EIF2AK4: variants seen among roughly 807,000 people sequenced by gnomAD.
EIF2AK4 encodes the protein eIF-2-alpha kinase GCN2.
Under a neutral mutation model 211.1 loss-of-function variants are expected in EIF2AK4, and 139 were observed. The observed-to-expected ratio is 0.66, with a 90% CI of 0.57 to 0.76. The LOEUF (loss-of-function observed/expected upper bound fraction) is 0.76, where lower values mean the gene tolerates loss of function less well. Among genes scored for constraint, EIF2AK4 ranks in the 30% least tolerant of loss-of-function variants. EIF2AK4 has a pLI of 0.00. For missense variants in EIF2AK4, 1,664 were observed against 2,043.8 expected, an observed-to-expected ratio of 0.81 and a Z score of 3.58; for synonymous variants, 710 against 751.3, an observed-to-expected ratio of 0.94 and a Z score of 0.90.
In EIF2AK4 at chr15:39,988,144, TA is replaced by T. The variant is rs1177896959; in HGVS notation, c.2526+40del. 3 of 1,605,514 alleles carry T rather than the reference TA, an allele frequency of 1.9e-6. No individual in the cohort carries two copies. The African/African-American group carries it at 4.0e-5, about 21-fold the overall frequency. The stretch of plus-strand genomic sequence containing the variant: ...CATTTCATATCTGAAGACTTATGTT[TA>T]CATAAATTTATGACTGCATAAAAAT... On this transcript the variant is annotated intron_variant, in intron 15 of 38. Coordinates refer to ENST00000263791, the MANE Select transcript of EIF2AK4 (RefSeq NM_001013703.4).
At chr15:40,012,676 A>T (rs1251636792) in intron 27 of EIF2AK4, among the ~76,000 whole-genome samples, 3 of 150,750 alleles carry the variant, frequency 2.0e-5, no homozygotes, top group Non-Finnish European at 4.4e-5. Flanking sequence ...TTTTTTTTTT[A>T]AGAAAGTCTT....
intron 2 of EIF2AK4, among the ~76,000 whole-genome samples, chr15:39,941,986 T>G (rs927660261): frequency 3.9e-5 from 6 of 152,374 alleles, no homozygotes; most frequent in South Asian, 2.1e-4. Context: ...AACATTATAA[T>G]ATCAGCTACA....
At chr15:39,992,718 T>C in intron 17 of EIF2AK4, 51 bp from the exon 18 acceptor site, 3 of 1,520,568 alleles carry the variant, frequency 2.0e-6, no homozygotes, top group Admixed American at 1.7e-5. Context: ...AGTTTGTGTC[T>C]TCTGTAAGTG....
At chr15:40,027,103 G>A (rs997937193) in intron 33 of EIF2AK4, among the ~76,000 whole-genome samples, 2 of 151,986 alleles carry the variant, frequency 1.3e-5, no homozygotes, top group Non-Finnish European at 2.9e-5. Flanking sequence ...ACATGCTAAC[G>A]TAACATATTT....
At chr15:39,998,286 C>CTTTTTTTTTTTTTTTT (rs2035047554) in intron 19 of EIF2AK4, among the ~76,000 whole-genome samples, 1 of 70,386 alleles carries the variant, frequency 1.4e-5, no homozygotes, top group Admixed American at 1.4e-4. Context: ...TTTTTTTTTG[C>CTTTTTTTTTTTTTTTT]CTTTTTTCAT....
At chr15:39,986,846 A>T (rs965729143) in intron 14 of EIF2AK4, among the ~76,000 whole-genome samples, 17 of 151,878 alleles carry the variant, frequency 1.1e-4, no homozygotes, top group African/African-American at 4.1e-4. Flanking sequence ...CAAGAGTGAA[A>T]CTCTATCTAA....
At chr15:39,935,853 C>T (rs1038280562) in intron 1 of EIF2AK4, among the ~76,000 whole-genome samples, 8 of 152,150 alleles carry the variant, frequency 5.3e-5, no homozygotes, top group African/African-American at 1.9e-4. Flanking sequence ...TTTTCTAATG[C>T]TTAATAATAT....
chr15:39,978,505 G>A (rs3816901), intron 13 of EIF2AK4, among the ~76,000 whole-genome samples: 13,086 of 152,170 alleles, frequency 0.086, 996 homozygotes, highest in East Asian at 0.25. Context: ...ACCTCATCAT[G>A]GAGTTACCTT....
At chr15:39,946,787 G>T in intron 3 of EIF2AK4, 2 of 624,914 alleles carry the variant, frequency 3.2e-6, no homozygotes, top group Non-Finnish European at 5.8e-6. Context: ...TGATCAGTCA[G>T]CAGCCATCAT....
At chr15:39,973,829 T>C (rs1319603230) in intron 11 of EIF2AK4, 80 bp downstream of exon 11, 2 of 1,531,568 alleles carry the variant, frequency 1.3e-6, no homozygotes, top group East Asian at 4.6e-5. Flanking sequence ...GACTTTACTT[T>C]TATTTTGGGA....
intron 27 of EIF2AK4, among the ~76,000 whole-genome samples, chr15:40,014,690 T>C (rs984766956): frequency 6.6e-6 from 1 of 152,242 alleles, no homozygotes; most frequent in Non-Finnish European, 1.5e-5. Flanking sequence ...TTCCCCATTG[T>C]TTTGGTGATT....
At position 39,934,276 on chromosome 15, in the gene EIF2AK4, A is replaced by G. The variant is rs1490181896; in HGVS notation, c.81A>G (p.Leu27=). Residue 27 remains leucine (L), a synonymous_variant, in exon 1 of 39, where the codon CTA becomes CTG. Coordinates refer to ENST00000263791, the MANE Select transcript of EIF2AK4 (RefSeq NM_001013703.4). ...ESYPQRQDHE[L]QALEAIYGAD... ...ACCCGCAACGACAGGACCACGAGCT[A>G]CAGGCCCTGGAGGCCATTTACGGCG... The G allele has an allele frequency of 3.1e-6, 5 of 1,611,864 alleles. No homozygotes were observed. The highest frequency in any genetic ancestry group is 2.7e-5 in the African/African-American group (2 of 74,972).
At chr15:40,024,450 G>A (rs568707753) in intron 32 of EIF2AK4, among the ~76,000 whole-genome samples, 6 of 120,798 alleles carry the variant, frequency 5.0e-5, no homozygotes, top group East Asian at 2.6e-4. Context: ...GCTCTGTCAC[G>A]CAGGCTGGAG....
intron 1 of EIF2AK4, among the ~76,000 whole-genome samples, chr15:39,937,783 C>T (rs2034088429): frequency 6.6e-6 from 1 of 152,114 alleles, no homozygotes; most frequent in African/African-American, 2.4e-5. Flanking sequence ...CGTGTGCATC[C>T]CTCCTCCTCC....
intron 35 of EIF2AK4, among the ~76,000 whole-genome samples, chr15:40,031,133 G>A (rs773485750): frequency 9.2e-5 from 14 of 152,122 alleles, no homozygotes; most frequent in Non-Finnish European, 1.3e-4. Flanking sequence ...CCAGCCACTC[G>A]GGAGGCTGAG....
chr15:39,967,872 C>G lies in EIF2AK4; in HGVS notation c.1546C>G (p.Leu516Val). ...CTTACCAGCTGACTTTCAAGATTTT[C>G]TAAAGAAGTGAGTATCACTGAGATT... ...SDLPADFQDF[L>V]KKCVCLDDKE... Residue 516 changes from leucine to valine, a missense_variant, in exon 9 of 39, where the codon CTA becomes GTA. Leu to Val is a conservative substitution (Grantham distance 32, BLOSUM62 1). Transcript: ENST00000263791. The G allele has an allele frequency of 6.2e-7, 1 of 1,613,624 alleles. No individual in the cohort carries two copies. The highest frequency in any genetic ancestry group is 8.5e-7 in the Non-Finnish European group (1 of 1,179,606).
chr15:40,034,946 C>T (rs1251499391), intron 38 of EIF2AK4, 81 bp from the exon 39 acceptor site: 4 of 1,103,362 alleles, frequency 3.6e-6, no homozygotes, highest in African/African-American at 1.6e-5. Context: ...AAAGCTCCTA[C>T]AGGTGTTATA....
chr15:39,955,287 T>C (rs2034373775), intron 5 of EIF2AK4, among the ~76,000 whole-genome samples: 1 of 152,230 alleles, frequency 6.6e-6, no homozygotes, highest in African/African-American at 2.4e-5. Flanking sequence ...ATTTAGGCAT[T>C]AACATTTTTT....
In EIF2AK4 at chr15:40,035,051, CTA is replaced by C; in HGVS notation, c.4920_4921del (p.Tyr1640Ter). ...GGGTGTCTGTGCTATTTCTGTACAG[CTA>C]TAGAGATGACTACTACAGAATCTTA... is the stretch of plus-strand genomic sequence containing the variant. ...KKVSVLFLYS[Y>X]RDDYYRILF On this transcript the variant is annotated frameshift_variant, in exon 39 of 39. Transcript: ENST00000263791. LOFTEE classifies it high-confidence loss of function. The C allele has an allele frequency of 6.3e-7, 1 of 1,585,856 alleles. No individual in the cohort carries two copies. Among genetic ancestry groups the C allele is most frequent in the Admixed American group, 1.7e-5 (1 of 59,734 alleles).
Sources: gnomAD v4.1 joint callset for allele counts (sites outside exome capture counted in the v4.1 genomes callset) on GRCh38, gnomAD v4.1.1 for gene constraint, MANE v1.5 for transcripts, NCBI Gene and HGNC (gene_info 2026-07-23, HGNC 2026-07-21) for gene names.